SLC4A4: variants seen among roughly 807,000 people sequenced by gnomAD.
SLC4A4 encodes the protein solute carrier family 4 member 4.
Under a neutral mutation model 111.5 loss-of-function variants are expected in SLC4A4, and 27 were observed. The observed-to-expected ratio is 0.24, with a 90% CI of 0.18 to 0.33. The LOEUF is 0.33. SLC4A4 is among the 10% of genes least tolerant of loss of function. SLC4A4 has a pLI of 1.00. For synonymous variants in SLC4A4, 443 were observed against 463.4 expected (o/e 0.96, Z 0.57); for missense variants, 909 against 1,315.5 (o/e 0.69, Z 4.78).
chr4:71,516,130 C>T (rs1732372985), intron 16 of SLC4A4, among the ~76,000 whole-genome samples: 1 of 101,410 alleles, frequency 9.9e-6, no homozygotes, highest in African/African-American at 3.9e-5. Context: ...GAGTCTCGCT[C>T]TGTCACCCAG....
chr4:71,247,648 C>T (rs1045601239), intron 2 of SLC4A4, among the ~76,000 whole-genome samples: 3 of 152,164 alleles, frequency 2.0e-5, no homozygotes, highest in African/African-American at 4.8e-5. Context: ...TCTTCCAACC[C>T]TACTTCCCAT....
At chr4:71,429,101 T>A (rs1723408280) in intron 7 of SLC4A4, among the ~76,000 whole-genome samples, 1 of 152,144 alleles carries the variant, frequency 6.6e-6, no homozygotes, top group African/African-American at 2.4e-5. Context: ...TATAATATCC[T>A]GGATCTACAG....
intron 2 of SLC4A4, among the ~76,000 whole-genome samples, chr4:71,179,964 A>G (rs1745234853): frequency 3.3e-5 from 5 of 152,224 alleles, no homozygotes; most frequent in Admixed American, 3.3e-4. Flanking sequence ...CTACAAGGCT[A>G]CAGTAACCAA....
intron 2 of SLC4A4, among the ~76,000 whole-genome samples, chr4:71,180,104 G>A (rs1281443591): frequency 6.6e-6 from 1 of 152,196 alleles, no homozygotes. Context: ...ATGGGGAAAG[G>A]ATTCCCTATT....
chr4:71,361,670 ATTAAG>A, intron 6 of SLC4A4, among the ~76,000 whole-genome samples: 1 of 152,354 alleles, frequency 6.6e-6, no homozygotes, highest in Admixed American at 6.5e-5. Flanking sequence ...CAAAGGTAAA[ATTAAG>A]TTGTCAGCAA....
rs911059162 is a variant in SLC4A4 at position 71,168,413 on chromosome 4, C to T, written c.-1-68163C>T. 5.9e-5 allele frequency among the ~76,000 whole-genome samples: 9 copies of T among 151,872 alleles called. No homozygotes were observed. In the South Asian group the frequency reaches 6.2e-4, roughly 11 times the overall value. On this transcript the variant is annotated intron_variant, in intron 2 of 26. Transcript: ENST00000649996. ...GGCCAGGCTGGTCTCGAACTCCTGA[C>T]CTCAGATGATCTGCCTGCCTCAGCC... is the stretch of plus-strand genomic sequence containing the variant.
chr4:71,530,018 C>A (rs185401511), intron 16 of SLC4A4, among the ~76,000 whole-genome samples: 115 of 152,258 alleles, frequency 7.6e-4, no homozygotes, highest in African/African-American at 2.7e-3. Context: ...ACTACTTGCA[C>A]AAAACTTAAT....
intron 3 of SLC4A4, among the ~76,000 whole-genome samples, chr4:71,330,244 C>G (rs917815270): frequency 3.3e-5 from 5 of 152,116 alleles, no homozygotes; most frequent in Non-Finnish European, 4.4e-5. Flanking sequence ...CATCAGTGTT[C>G]ATTAAGGATA....
chr4:71,192,821 C>T (rs550061772), intron 1 of SLC4A4, among the ~76,000 whole-genome samples: 1 of 152,334 alleles, frequency 6.6e-6, no homozygotes, highest in South Asian at 2.1e-4. Context: ...CCATTGCTGG[C>T]ATCCGGAAGT....
At chr4:71,429,074 C>T (rs1723406012) in intron 7 of SLC4A4, among the ~76,000 whole-genome samples, 1 of 151,972 alleles carries the variant, frequency 6.6e-6, no homozygotes, top group Non-Finnish European at 1.5e-5. Flanking sequence ...AATATCTGCC[C>T]AGTGACTGAG....
chr4:71,255,486 G>T, intron 3 of SLC4A4, 87 bp downstream of exon 3: 1 of 1,306,242 alleles, frequency 7.7e-7, no homozygotes, highest in Admixed American at 1.7e-5. Flanking sequence ...GTGGCTAAAG[G>T]GGAGGGACAC....
intron 14 of SLC4A4, among the ~76,000 whole-genome samples, chr4:71,480,283 G>A (rs534314242): frequency 1.3e-5 from 2 of 151,284 alleles, no homozygotes; most frequent in East Asian, 3.9e-4. Context: ...GTAGATTAAA[G>A]AGTATACAAC....
chr4:71,086,815 T>G (rs543702569), intron 1 of SLC4A4, among the ~76,000 whole-genome samples: 2 of 152,236 alleles, frequency 1.3e-5, no homozygotes, highest in East Asian at 3.9e-4. Context: ...GCCAGTATTT[T>G]ATTGAGGATT....
At chr4:71,281,953 T>C (rs555267085) in intron 3 of SLC4A4, among the ~76,000 whole-genome samples, 25 of 151,940 alleles carry the variant, frequency 1.6e-4, no homozygotes, top group African/African-American at 5.5e-4. Flanking sequence ...TCCCTTTAAT[T>C]TTCTGAATGA....
intron 14 of SLC4A4, among the ~76,000 whole-genome samples, chr4:71,479,877 G>A (rs1041918194): frequency 4.0e-5 from 6 of 151,704 alleles, no homozygotes; most frequent in African/African-American, 1.5e-4. Context: ...CATCAGACCT[G>A]GAAAATTCTC....
chr4:71,304,347 A>T (rs1725517863), intron 3 of SLC4A4, among the ~76,000 whole-genome samples: 1 of 152,180 alleles, frequency 6.6e-6, no homozygotes, highest in African/African-American at 2.4e-5. Flanking sequence ...TCCTGGTGTG[A>T]GTCTGAAAGC....
Position 71,350,031 on chromosome 4 carries a change from T to C in SLC4A4, c.509T>C (p.Ile170Thr), listed in dbSNP as rs746436209. Residue 170 changes from isoleucine (I) to threonine (T), a missense_variant, in exon 5 of 26, where the codon ATC becomes ACC. Coordinates refer to ENST00000264485, the MANE Select transcript of SLC4A4 (RefSeq NM_001098484.3). ...AGGACATGTATGGAGAAAGGATCCA[T>C]CATGCTTGATCGGGAGGCTTCTTCT... ...ELRTCMEKGS[I>T]MLDREASSLP... 4 of 1,614,002 alleles carry C rather than the reference T, an allele frequency of 2.5e-6. No homozygotes were observed. The highest frequency in any genetic ancestry group is 3.3e-4 in the Middle Eastern group (2 of 6,082).
At chr4:71,411,384 T>C (rs1333906189) in intron 7 of SLC4A4, among the ~76,000 whole-genome samples, 1 of 151,024 alleles carries the variant, frequency 6.6e-6, no homozygotes, top group Non-Finnish European at 1.5e-5. Flanking sequence ...TTGCCCCCAG[T>C]CTTTGCTAGG....
chr4:71,110,310 G>T (rs569573969), intron 2 of SLC4A4, among the ~76,000 whole-genome samples: 3 of 152,200 alleles, frequency 2.0e-5, no homozygotes, highest in East Asian at 3.9e-4. Context: ...GACATTCCAG[G>T]CTCAAGAGAT....
Sources: allele counts gnomAD v4.1 joint callset (sites outside exome capture counted in the v4.1 genomes callset), GRCh38; gene constraint gnomAD v4.1.1; transcripts MANE v1.5; gene names NCBI Gene and HGNC (gene_info 2026-07-23, HGNC 2026-07-21).